LINGO2: variants seen among roughly 807,000 people sequenced by gnomAD.
LINGO2 encodes the protein leucine rich repeat and Ig domain containing 2.
Under a neutral mutation model 30.6 loss-of-function variants are expected in LINGO2, and 14 were observed. That is an observed-to-expected ratio of 0.46 (90% CI 0.30 to 0.72). The LOEUF (loss-of-function observed/expected upper bound fraction) is 0.72, where lower values mean the gene tolerates loss of function less well. Among genes scored for constraint, LINGO2 ranks in the 30% least tolerant of loss-of-function variants. LINGO2 has a pLI of 0.07. For synonymous variants in LINGO2, 317 were observed against 288.5 expected, an observed-to-expected ratio of 1.10 and a Z score of -1.00; for missense variants, 729 against 751.7, an observed-to-expected ratio of 0.97 and a Z score of 0.35.
intron 5 of LINGO2, among the ~76,000 whole-genome samples, chr9:27,970,218 CAG>C (rs761018504): frequency 1.7e-4 from 26 of 152,196 alleles, no homozygotes; most frequent in African/African-American, 4.8e-4. Context: ...CGGTGAAAAA[CAG>C]AGACTGTCTT....
Position 28,055,355 on chromosome 9 carries a change from AAT to A in LINGO2, c.-86-42952_-86-42951del, listed in dbSNP as rs1301840477. ...CAGGTGGATGGAAAAGGGCTGCTCA[AAT>A]AAACTCTAAACAAGCTTCAGCCAAG... On this transcript the variant is annotated intron_variant, in intron 4 of 5. Transcript: ENST00000379992. Among the ~76,000 whole-genome samples, 6 of 152,262 alleles carry A rather than the reference AAT, an allele frequency of 3.9e-5. No homozygotes were observed. The East Asian group carries it at 1.2e-3, about 30-fold the overall frequency.
At chr9:28,505,311 A>C (rs899971777) in intron 1 of LINGO2, among the ~76,000 whole-genome samples, 3 of 151,940 alleles carry the variant, frequency 2.0e-5, no homozygotes, top group Non-Finnish European at 4.4e-5. Context: ...GGTAAAAAAT[A>C]AACAAAATGT....
intron 4 of LINGO2, among the ~76,000 whole-genome samples, chr9:28,257,544 A>T (rs1196577257): frequency 6.6e-6 from 1 of 151,992 alleles, no homozygotes; most frequent in Non-Finnish European, 1.5e-5. Flanking sequence ...TGGTTTCTTT[A>T]TAATTCAGTA....
chr9:28,195,805 T>C (rs987931424), intron 4 of LINGO2, among the ~76,000 whole-genome samples: 11 of 151,664 alleles, frequency 7.3e-5, no homozygotes, highest in African/African-American at 2.7e-4. Context: ...AAAACTCTGT[T>C]TAAATGTCTT....
the LINGO2 span, among the ~76,000 whole-genome samples, chr9:29,163,505 T>G: frequency 6.6e-6 from 1 of 152,166 alleles, no homozygotes; most frequent in Admixed American, 6.5e-5. Flanking sequence ...TCATGATTGA[T>G]TCTCATGATT....
chr9:28,167,308 G>A (rs1413875354), intron 4 of LINGO2, among the ~76,000 whole-genome samples: 1 of 2,548 alleles, frequency 3.9e-4, no homozygotes, highest in African/African-American at 4.5e-4. Context: ...TAAATTCTAC[G>A]TGATCCTCCT....
the LINGO2 span, among the ~76,000 whole-genome samples, chr9:29,136,725 G>A: frequency 6.6e-5 from 10 of 151,982 alleles, no homozygotes; most frequent in South Asian, 1.7e-3. Flanking sequence ...ACCCTGCATA[G>A]TCTTACATAC....
At chr9:29,055,975 T>TAC in the LINGO2 span, among the ~76,000 whole-genome samples, 6,044 of 150,496 alleles carry the variant, frequency 0.04, 233 homozygotes, top group Admixed American at 0.081. Context: ...TATATATGCA[T>TAC]ACACACACAC....
intron 4 of LINGO2, among the ~76,000 whole-genome samples, chr9:28,247,765 A>T (rs1230508579): frequency 6.6e-6 from 1 of 152,230 alleles, no homozygotes; most frequent in African/African-American, 2.4e-5. Context: ...GTTTAAAAAA[A>T]AAATTGAATA....
intron 1 of LINGO2, among the ~76,000 whole-genome samples, chr9:28,627,212 C>CTATGA: frequency 6.6e-6 from 1 of 152,058 alleles, no homozygotes; most frequent in East Asian, 1.9e-4. Context: ...CAAGATGTTC[C>CTATGA]AGGTATTTAT....
intron 3 of LINGO2, among the ~76,000 whole-genome samples, chr9:28,351,439 G>C (rs1175299673): frequency 6.6e-6 from 1 of 151,676 alleles, no homozygotes; most frequent in Non-Finnish European, 1.5e-5. Flanking sequence ...GCTCTCCCAA[G>C]ACTAAACCAG....
chr9:28,733,268 T>A, the LINGO2 span, among the ~76,000 whole-genome samples: 8 of 152,278 alleles, frequency 5.3e-5, no homozygotes, highest in Non-Finnish European at 1.0e-4. Context: ...CATTATTTTT[T>A]CCTTATGTCT....
chr9:28,827,679 G>A, the LINGO2 span, among the ~76,000 whole-genome samples: 1 of 152,114 alleles, frequency 6.6e-6, no homozygotes, highest in Non-Finnish European at 1.5e-5. Context: ...TGGAATTCTA[G>A]ATGATTTAAT....
chr9:28,984,622 T>C, the LINGO2 span, among the ~76,000 whole-genome samples: 2 of 151,992 alleles, frequency 1.3e-5, no homozygotes, highest in African/African-American at 2.4e-5. Flanking sequence ...TTTTAAATCA[T>C]TAAAATAGAA....
intron 2 of LINGO2, among the ~76,000 whole-genome samples, chr9:28,437,894 T>C (rs1824017942): frequency 6.6e-6 from 1 of 152,238 alleles, no homozygotes; most frequent in African/African-American, 2.4e-5. Context: ...GTTTAATTTT[T>C]AGTGTTAACA....
At chr9:29,194,648 A>G in the LINGO2 span, among the ~76,000 whole-genome samples, 1 of 152,218 alleles carries the variant, frequency 6.6e-6, no homozygotes, top group African/African-American at 2.4e-5. Flanking sequence ...CCACCCCACT[A>G]ACTATGCTCT....
chr9:28,842,674 C>T, the LINGO2 span, among the ~76,000 whole-genome samples: 1 of 151,830 alleles, frequency 6.6e-6, no homozygotes, highest in Non-Finnish European at 1.5e-5. Flanking sequence ...GGGATAGTCA[C>T]AGGCCCTCAC....
the LINGO2 span, among the ~76,000 whole-genome samples, chr9:29,053,864 C>A: frequency 6.6e-6 from 1 of 151,972 alleles, no homozygotes; most frequent in Non-Finnish European, 1.5e-5. Context: ...CTATAATTTA[C>A]AGCAGTCTAC....
intron 1 of LINGO2, among the ~76,000 whole-genome samples, chr9:28,572,201 C>T (rs1339718068): frequency 6.6e-6 from 1 of 151,942 alleles, no homozygotes; most frequent in African/African-American, 2.4e-5. Context: ...TCTTAAATTC[C>T]ACAAGGCAAC....
Sources: allele counts gnomAD v4.1 joint callset (sites outside exome capture counted in the v4.1 genomes callset), GRCh38; gene constraint gnomAD v4.1.1; transcripts MANE v1.5; gene names NCBI Gene and HGNC (gene_info 2026-07-23, HGNC 2026-07-21).